SLC7A9: variants seen among roughly 807,000 people sequenced by gnomAD.
SLC7A9 encodes the protein B(0,+)-type amino acid transporter 1.
A neutral mutation model predicts 54.1 loss-of-function variants in SLC7A9; 38 were observed. That is an observed-to-expected ratio of 0.70 (90% CI 0.54 to 0.92). The LOEUF (loss-of-function observed/expected upper bound fraction) is 0.92. Among genes scored for constraint, SLC7A9 ranks in the 40% least tolerant of loss-of-function variants. The pLI, the probability that SLC7A9 is intolerant of heterozygous loss-of-function variation, is 0.00. For missense variants in SLC7A9, 537 were observed against 636.1 expected, an observed-to-expected ratio of 0.84 and a Z score of 1.68; for synonymous variants, 264 against 258.9, an observed-to-expected ratio of 1.02 and a Z score of -0.19.
chr19:32,833,209 C>T lies in SLC7A9; in HGVS notation c.1339G>A (p.Gly447Ser), dbSNP rs750233159. The T allele has an allele frequency of 3.7e-6, 6 of 1,614,082 alleles. No individual in the cohort carries two copies. Among genetic ancestry groups the T allele is most frequent in the Admixed American group, 1.7e-5 (1 of 60,010 alleles). Residue 447 changes from glycine to serine, a missense_variant, in exon 12 of 13, where the codon GGC (glycine) becomes AGC (serine). Transcript: ENST00000023064. ...ACAAACAGGAAGTAAAATAAAAGGC[C>T]GCTTAATATAAACAGCACACAGTAG... Reference protein sequence around the residue: ...YLYCVLFILSGLLFYFLFVHY... With the variant: ...YLYCVLFILSSLLFYFLFVHY...
At chr19:32,837,481 A>G (rs1333439694) in intron 11 of SLC7A9, among the ~76,000 whole-genome samples, 1 of 105,584 alleles carries the variant, frequency 9.5e-6, no homozygotes, top group African/African-American at 4.2e-5. Flanking sequence ...GTGACAGAGG[A>G]GATTCCATCT....
chr19:32,862,281 G>T, intron 5 of SLC7A9, 64 bp from the exon 6 acceptor site: 1 of 1,447,938 alleles, frequency 6.9e-7, no homozygotes, highest in Non-Finnish European at 9.7e-7. Context: ...GTATCTCCAC[G>T]GGAAAGATGG....
Position 32,864,106 on chromosome 19 carries a change from G to A in SLC7A9, c.468C>T (p.Ala156=), listed in dbSNP as rs770249299. 1.8e-5 allele frequency: 29 copies of A among 1,614,022 alleles called. No individual in the cohort carries two copies. The highest frequency in any genetic ancestry group is 3.3e-5 in the Admixed American group (2 of 60,012). The change falls in exon 4 of 13, where the codon GCC becomes GCT. Residue 156 remains alanine (A), a synonymous_variant. Transcript: ENST00000023064. The part of the protein sequence containing the change: ...PPQIVVKCLA[A]AAILFISTVN... ...GGCTCAGGTACTCACAGATGGCGGC[G>A]GCGGCCAGGCATTTCACAACGATTT...
chr19:32,837,561 A>G (rs1352870628), intron 11 of SLC7A9, among the ~76,000 whole-genome samples: 3 of 152,076 alleles, frequency 2.0e-5, no homozygotes, highest in Non-Finnish European at 4.4e-5. Flanking sequence ...ATGTGCATAT[A>G]AATAACATGT....
chr19:32,840,964 T>C (rs1166881414), intron 11 of SLC7A9, among the ~76,000 whole-genome samples: 1 of 152,194 alleles, frequency 6.6e-6, no homozygotes, highest in Non-Finnish European at 1.5e-5. Flanking sequence ...AGGCTCTGTC[T>C]GTTTCTATGA....
chr19:32,833,017 G>T, intron 12 of SLC7A9, 132 bp downstream of exon 12: 1 of 902,792 alleles, frequency 1.1e-6, no homozygotes, highest in Non-Finnish European at 1.9e-6. Context: ...GTGGGCATGT[G>T]TCCTCCTGGG....
At chr19:32,831,711 T>C (rs1967801136) in intron 12 of SLC7A9, among the ~76,000 whole-genome samples, 1 of 152,254 alleles carries the variant, frequency 6.6e-6, no homozygotes, top group Admixed American at 6.5e-5. Context: ...GTCCTAAAAC[T>C]GATGAGGGTC....
At chr19:32,843,744 T>C (rs1025220762) in intron 10 of SLC7A9, 111 bp downstream of exon 10, 1 of 757,650 alleles carries the variant, frequency 1.3e-6, no homozygotes, top group African/African-American at 1.7e-5. Flanking sequence ...TATATCTGTT[T>C]CATAGCAAGG....
Position 32,864,780 on chromosome 19 carries a change from G to C in SLC7A9, c.88-4C>G. The C allele has an allele frequency of 6.2e-7, 1 of 1,614,148 alleles. No homozygotes were observed. The highest frequency in any genetic ancestry group is 1.6e-4 in the Middle Eastern group (1 of 6,062). On this transcript the variant is annotated splice_polypyrimidine_tract_variant and splice_region_variant and intron_variant, in intron 2 of 12. Coordinates refer to ENST00000023064, the MANE Select transcript of SLC7A9 (RefSeq NM_014270.5). ...AGATGCCACTGATGAGGCCCAGCTGGGTGTGGAGGAAGGAAGAGGGCGTTA... is the reference window on the plus strand; with the variant it reads ...AGATGCCACTGATGAGGCCCAGCTGCGTGTGGAGGAAGGAAGAGGGCGTTA...
intron 12 of SLC7A9, 151 bp from the exon 13 acceptor site, chr19:32,830,835 T>A: frequency 1.4e-6 from 1 of 706,618 alleles, no homozygotes; most frequent in Non-Finnish European, 2.6e-6. Context: ...TCCTGCCTTC[T>A]GGTTGGATTT....
At chr19:32,848,393 T>C (rs943026674) in intron 9 of SLC7A9, among the ~76,000 whole-genome samples, 28 of 152,216 alleles carry the variant, frequency 1.8e-4, no homozygotes, top group African/African-American at 6.5e-4. Flanking sequence ...AATCCTAGTC[T>C]CTGATAAAAC....
chr19:32,843,853 A>G lies in SLC7A9; in HGVS notation c.1074+2T>C. On this transcript the variant is annotated splice_donor_variant, in intron 10 of 12. Coordinates refer to ENST00000023064, the MANE Select transcript of SLC7A9 (RefSeq NM_014270.5). LOFTEE classifies it high-confidence loss of function. ...TAGGCTGGTAGCGGGATTTGTACTC[A>G]CATAAAAGATGATGGCGGGGGCTGG... is the stretch of plus-strand genomic sequence containing the variant. 1 of 1,610,258 alleles carries G rather than the reference A, an allele frequency of 6.2e-7. No individual in the cohort carries two copies. The highest frequency in any genetic ancestry group is 8.5e-7 in the Non-Finnish European group (1 of 1,176,558).
In SLC7A9 at chr19:32,837,492, CAAA is replaced by C. The variant is rs57648590; in HGVS notation, c.1225-4172_1225-4170del. On this transcript the variant is annotated intron_variant, in intron 11 of 12. Coordinates refer to ENST00000023064, the MANE Select transcript of SLC7A9 (RefSeq NM_014270.5). Reference sequence around the variant, plus strand: ...CTGGGTGACAGAGGAGATTCCATCTCAAAAAAAAAAAAAAAAAAAAAAAAAAGA... The same window carrying C: ...CTGGGTGACAGAGGAGATTCCATCTCAAAAAAAAAAAAAAAAAAAAAAAGA... Among the ~76,000 whole-genome samples, 237 of 54,514 alleles carry C rather than the reference CAAA, an allele frequency of 4.3e-3. 4 individuals are homozygous for C. Among genetic ancestry groups the C allele is most frequent in the African/African-American group, 0.013 (226 of 17,156 alleles). The allele number at this position is 54,514 out of a possible 152,430, so 35.8% of individuals were successfully genotyped here.
At chr19:32,837,325 T>C (rs749791686) in intron 11 of SLC7A9, among the ~76,000 whole-genome samples, 50 of 151,888 alleles carry the variant, frequency 3.3e-4, no homozygotes, top group Admixed American at 2.2e-3. Context: ...CGAAACCCCA[T>C]GTCTACAAAA....
chr19:32,845,298 C>A (rs931171695), intron 9 of SLC7A9, among the ~76,000 whole-genome samples: 2 of 152,040 alleles, frequency 1.3e-5, no homozygotes, highest in Non-Finnish European at 2.9e-5. Flanking sequence ...AGTTCAAGAC[C>A]AGCCTAACCA....
At chr19:32,868,369 G>T in intron 2 of SLC7A9, 79 bp downstream of exon 2, 1 of 1,039,282 alleles carries the variant, frequency 9.6e-7, no homozygotes, top group Non-Finnish European at 1.5e-6. Context: ...GGATCGGCCC[G>T]GATTTCACTG....
At chr19:32,836,237 T>G (rs561612015) in intron 11 of SLC7A9, among the ~76,000 whole-genome samples, 64 of 151,886 alleles carry the variant, frequency 4.2e-4, no homozygotes, top group African/African-American at 1.5e-3. Flanking sequence ...TTAGTAGAGA[T>G]GGGGTTTCAC....
intron 5 of SLC7A9, 91 bp from the exon 6 acceptor site, chr19:32,862,308 A>G (rs1968822790): frequency 2.1e-6 from 3 of 1,441,498 alleles, no homozygotes; most frequent in Non-Finnish European, 2.9e-6. Context: ...TTGTGACCCC[A>G]GCTTAATAAA....
chr19:32,850,023 G>T (rs979704097), intron 9 of SLC7A9, among the ~76,000 whole-genome samples: 2 of 151,298 alleles, frequency 1.3e-5, no homozygotes, highest in Non-Finnish European at 3.0e-5. Flanking sequence ...GTATTGATGG[G>T]ACGTATCTCA....
Sources: allele counts gnomAD v4.1 joint callset (sites outside exome capture counted in the v4.1 genomes callset), GRCh38; gene constraint gnomAD v4.1.1; transcripts MANE v1.5; gene names NCBI Gene and HGNC (gene_info 2026-07-23, HGNC 2026-07-21).